Variants in QRICH1 observed in about 807,000 individuals in gnomAD.
The protein encoded by QRICH1 is transcriptional regulator QRICH1.
In QRICH1, 16 loss-of-function variants were observed where a neutral mutation model predicts 87.1. That is an observed-to-expected ratio of 0.18 (90% CI 0.12 to 0.28). QRICH1 has a LOEUF of 0.28. Ranked by LOEUF, QRICH1 falls within the 10% of genes least tolerant of loss-of-function variation. The pLI, the probability that QRICH1 is intolerant of heterozygous loss-of-function variation, is 1.00. For synonymous variants in QRICH1, 367 were observed against 368.4 expected (o/e 1.00, Z 0.05); for missense variants, 647 against 951.7 (o/e 0.68, Z 4.21).
chr3:49,041,140 G>T (rs1438858335), intron 6 of QRICH1, among the ~76,000 whole-genome samples: 3 of 151,880 alleles, frequency 2.0e-5, no homozygotes, highest in African/African-American at 7.3e-5. Flanking sequence ...GCTAATTTTT[G>T]TATTTTTTTT....
chr3:49,056,634 T>G, intron 3 of QRICH1: 1 of 791,020 alleles, frequency 1.3e-6, no homozygotes, highest in Non-Finnish European at 2.0e-6. Flanking sequence ...TCTCCAAAAC[T>G]CCAAAGCAAT....
chr3:49,077,446 G>C (rs2041971977), intron 1 of QRICH1, among the ~76,000 whole-genome samples: 2 of 152,132 alleles, frequency 1.3e-5, no homozygotes, highest in South Asian at 2.1e-4. Flanking sequence ...GGATTCCTAT[G>C]GATATGTTTT....
At chr3:49,052,949 T>C (rs551507621) in intron 3 of QRICH1, among the ~76,000 whole-genome samples, 4 of 152,258 alleles carry the variant, frequency 2.6e-5, no homozygotes, top group Admixed American at 2.0e-4. Context: ...TCAAGAACAG[T>C]AGTACTGGCA....
rs867302903 is a variant in QRICH1, at chr3:49,076,828, T to C, written c.190A>G (p.Thr64Ala). The change falls in exon 2 of 10, where the codon ACA (threonine) becomes GCA (alanine). Residue 64 changes from threonine to alanine, a missense_variant. Coordinates refer to ENST00000395443, the MANE Select transcript of QRICH1 (RefSeq NM_198880.3). ...VYQQGGNCIYTDSTEVAGSLL... is the reference protein window; with the variant it reads ...VYQQGGNCIYADSTEVAGSLL... ...GACCCAGCCACTTCAGTGCTGTCTG[T>C]GTATATGCAGTTCCCACCCTGTTGG... is the stretch of plus-strand genomic sequence containing the variant. 2 of 1,613,938 alleles carry C rather than the reference T, an allele frequency of 1.2e-6. No individual in the cohort carries two copies. Among genetic ancestry groups the C allele is most frequent in the Middle Eastern group, 1.7e-4 (1 of 6,060 alleles).
chr3:49,044,295 C>A lies in QRICH1; in HGVS notation c.1786+95G>T, dbSNP rs2093327465. 4.3e-6 allele frequency: 4 copies of A among 936,412 alleles called. No homozygotes were observed. In the African/African-American group the frequency reaches 6.8e-5, roughly 16 times the overall value. The allele number at this position is 936,412 out of a possible 1,614,324, so 58.0% of individuals were successfully genotyped here. A position where few individuals can be genotyped will look rare whatever the true frequency, so the allele number is the denominator to read the frequency against. On this transcript the variant is annotated intron_variant, in intron 6 of 9. Coordinates refer to ENST00000395443, the MANE Select transcript of QRICH1 (RefSeq NM_198880.3). Reference sequence around the variant, plus strand: ...GCTGCAGTCTGGGATTTATATCCCCCCTCACTCACATGCTTTTCATAGCCA... The same window carrying A: ...GCTGCAGTCTGGGATTTATATCCCCACTCACTCACATGCTTTTCATAGCCA...
intron 6 of QRICH1, among the ~76,000 whole-genome samples, chr3:49,042,249 C>G (rs1387509115): frequency 6.6e-6 from 1 of 151,728 alleles, no homozygotes; most frequent in Admixed American, 6.6e-5. Flanking sequence ...AGGCACCCAC[C>G]ACCACAACCG....
chr3:49,079,785 T>C (rs1210365914), intron 1 of QRICH1, among the ~76,000 whole-genome samples: 2 of 152,052 alleles, frequency 1.3e-5, no homozygotes, highest in African/African-American at 4.8e-5. Flanking sequence ...TCCCAGCACT[T>C]TGGGAGGCAA....
intron 3 of QRICH1, among the ~76,000 whole-genome samples, chr3:49,054,672 A>C (rs910579092): frequency 6.6e-6 from 1 of 152,172 alleles, no homozygotes; most frequent in African/African-American, 2.4e-5. Context: ...TGGGAGGCCA[A>C]GGTGGGAGGA....
At chr3:49,032,888 C>T in intron 7 of QRICH1, 115 bp from the exon 8 acceptor site, 1 of 1,304,508 alleles carries the variant, frequency 7.7e-7, no homozygotes, top group East Asian at 2.4e-5. Flanking sequence ...AAGATCTGGG[C>T]AGGCCCGTAC....
intron 6 of QRICH1, among the ~76,000 whole-genome samples, chr3:49,035,737 A>C (rs1417547084): frequency 6.6e-6 from 1 of 152,108 alleles, no homozygotes; most frequent in African/African-American, 2.4e-5. Flanking sequence ...GCAGTGAACT[A>C]TCATCATGAC....
upstream of QRICH1, chr3:49,094,269 G>C (rs1395384437): frequency 2.7e-6 from 1 of 376,698 alleles, no homozygotes; most frequent in Non-Finnish European, 4.7e-6. Flanking sequence ...GGCGGAGCTA[G>C]GGCCGTGGCT....
intron 3 of QRICH1, among the ~76,000 whole-genome samples, chr3:49,051,435 C>T (rs969140909): frequency 3.9e-5 from 6 of 152,044 alleles, no homozygotes; most frequent in Non-Finnish European, 7.4e-5. Flanking sequence ...CAGGCCCTTA[C>T]GTGTTTGTCA....
Position 49,050,827 on chromosome 3 carries a change from G to A in QRICH1, c.1339-3581C>T, listed in dbSNP as rs984490664. Among the ~76,000 whole-genome samples, 9 of 152,142 alleles carry A rather than the reference G, an allele frequency of 5.9e-5. No individual in the cohort carries two copies. In the East Asian group the frequency reaches 1.5e-3, roughly 26 times the overall value. Reference sequence around the variant, plus strand: ...AGACCAGGAGGGCAGCTGAGCTCAGGGCCAGAGGACCCAATAGCAACAGAA... The same window carrying A: ...AGACCAGGAGGGCAGCTGAGCTCAGAGCCAGAGGACCCAATAGCAACAGAA... On this transcript the variant is annotated intron_variant, in intron 3 of 9. Transcript: ENST00000395443.
intron 2 of QRICH1, among the ~76,000 whole-genome samples, chr3:49,065,813 T>C (rs1223949803): frequency 6.6e-6 from 1 of 152,222 alleles, no homozygotes; most frequent in East Asian, 1.9e-4. Context: ...CTCAAGTAGC[T>C]GGGACTACAG....
At chr3:49,049,157 G>A (rs2093355747) in intron 3 of QRICH1, among the ~76,000 whole-genome samples, 1 of 151,790 alleles carries the variant, frequency 6.6e-6, no homozygotes, top group Non-Finnish European at 1.5e-5. Flanking sequence ...GCCCGCCTTG[G>A]CCTCCCAAAG....
chr3:49,093,941 G>A lies in QRICH1; in HGVS notation c.-51C>T, dbSNP rs1365719486. 4.0e-4 allele frequency: 148 copies of A among 367,350 alleles called. 3 individuals are homozygous for A. In the Admixed American group the frequency reaches 5.2e-3, roughly 13 times the overall value. The allele number at this position is 367,350 out of a possible 1,614,324, so 22.8% of individuals were successfully genotyped here. A position where few individuals can be genotyped will look rare whatever the true frequency, so the allele number is the denominator to read the frequency against. On this transcript the variant is annotated 5_prime_UTR_variant, in exon 1 of 10. Transcript: ENST00000395443. ...CGACGTCACTGCCGCCGCCGCCGCC[G>A]CCTCCGCTGCACCCGCCGGCCCCGC...
chr3:49,035,973 A>G (rs539589069), intron 6 of QRICH1, among the ~76,000 whole-genome samples: 22 of 151,806 alleles, frequency 1.4e-4, no homozygotes, highest in Non-Finnish European at 3.1e-4. Flanking sequence ...AGTCCCAGCT[A>G]CTTGGGAAGC....
At chr3:49,073,611 T>C (rs910654890) in intron 2 of QRICH1, among the ~76,000 whole-genome samples, 1 of 152,054 alleles carries the variant, frequency 6.6e-6, no homozygotes, top group Non-Finnish European at 1.5e-5. Context: ...AGAAAGTTTA[T>C]CATCAATTAG....
rs370237464 is a variant in QRICH1 at position 49,057,486 on chromosome 3, C to T, written c.714G>A (p.Thr238=). The T allele has an allele frequency of 8.6e-5, 138 of 1,608,660 alleles. No individual in the cohort carries two copies. Among genetic ancestry groups the T allele is most frequent in the Non-Finnish European group, 1.1e-4 (127 of 1,177,430 alleles). ...SPREGERRVG[T]ASVLQPVKKR... is the part of the protein sequence containing the mutation. Reference sequence around the variant, plus strand: ...TCTTCACTGGTTGGAGGACACTGGCCGTGCCAACCCGCCGCTCCCCTTCCC... The same window carrying T: ...TCTTCACTGGTTGGAGGACACTGGCTGTGCCAACCCGCCGCTCCCCTTCCC... The change falls in exon 3 of 10, where the codon ACG becomes ACA. Residue 238 remains threonine (T), a synonymous_variant. Transcript: ENST00000395443. This position sits in a 1 kb window ranked among gnomAD's most constrained non-coding sequence, Gnocchi z 5.4.
Sources: gnomAD v4.1 joint callset for allele counts (sites outside exome capture counted in the v4.1 genomes callset) on GRCh38, gnomAD v4.1.1 for gene constraint, Gnocchi (gnomAD v3.1) non-coding constraint, MANE v1.5 for transcripts, NCBI Gene and HGNC (gene_info 2026-07-23, HGNC 2026-07-21) for gene names.